MYO3B: variants seen among roughly 807,000 people sequenced by gnomAD.
The protein encoded by MYO3B is myosin IIIB, also known as myosin-IIIb.
MYO3B carries 156 observed loss-of-function variants against 174.6 expected under a neutral mutation model. The ratio of observed to expected loss-of-function variants is 0.89; its 90% confidence interval spans 0.78 to 1.02. MYO3B has a LOEUF of 1.02. Among genes scored for constraint, MYO3B ranks in the 50% least tolerant of loss-of-function variants. The pLI, the probability that MYO3B is intolerant of heterozygous loss-of-function variation, is 0.00. For missense variants in MYO3B, 1,632 were observed against 1,639.4 expected (o/e 1.00, Z 0.08); for synonymous variants, 563 against 569.1 (o/e 0.99, Z 0.15).
At chr2:170,267,510 G>A (rs926820559) in intron 7 of MYO3B, among the ~76,000 whole-genome samples, 1 of 152,154 alleles carries the variant, frequency 6.6e-6, no homozygotes, top group Non-Finnish European at 1.5e-5. Flanking sequence ...GAATTATGCT[G>A]TATATACAGT....
At chr2:170,325,807 T>C (rs2093862505) in intron 7 of MYO3B, among the ~76,000 whole-genome samples, 1 of 152,174 alleles carries the variant, frequency 6.6e-6, no homozygotes. Context: ...TAAGTCTATC[T>C]CTACCTCTGC....
chr2:170,578,828 G>A (rs1169266829), intron 32 of MYO3B, among the ~76,000 whole-genome samples: 1 of 152,204 alleles, frequency 6.6e-6, no homozygotes, highest in Non-Finnish European at 1.5e-5. Context: ...TTACGCAGAG[G>A]GCCTTGAAAC....
intron 7 of MYO3B, among the ~76,000 whole-genome samples, chr2:170,279,961 T>C (rs2093495177): frequency 6.6e-6 from 1 of 152,238 alleles, no homozygotes; most frequent in African/African-American, 2.4e-5. Context: ...GAATGATTTA[T>C]ATTCCTTTGG....
At chr2:170,649,851 T>C (rs1256443333) in intron 32 of MYO3B, 2 of 50,190 alleles carry the variant, frequency 4.0e-5, no homozygotes, top group Non-Finnish European at 6.7e-5. Context: ...CCATATGCTA[T>C]AGTGTAAAAA....
intron 29 of MYO3B, among the ~76,000 whole-genome samples, chr2:170,515,842 A>G (rs1688270141): frequency 6.6e-6 from 1 of 152,100 alleles, no homozygotes; most frequent in Admixed American, 6.5e-5. Flanking sequence ...GTTTCAAGGA[A>G]ATACTGAACT....
At chr2:170,388,859 G>A (rs2105759056) in intron 14 of MYO3B, among the ~76,000 whole-genome samples, 1 of 152,322 alleles carries the variant, frequency 6.6e-6, no homozygotes, top group Middle Eastern at 3.4e-3. Context: ...TCACGCAGTA[G>A]GGACTGGCAT....
intron 7 of MYO3B, among the ~76,000 whole-genome samples, chr2:170,274,925 C>A (rs1379031633): frequency 1.3e-5 from 2 of 152,052 alleles, no homozygotes; most frequent in African/African-American, 4.8e-5. Flanking sequence ...ACCATAGGAT[C>A]CAGATAATAG....
intron 16 of MYO3B, among the ~76,000 whole-genome samples, chr2:170,396,616 T>G (rs541549531): frequency 6.6e-6 from 1 of 152,214 alleles, no homozygotes; most frequent in Non-Finnish European, 1.5e-5. Context: ...AACCTAAAAG[T>G]TTTTCTCAGG....
chr2:170,252,598 C>T (rs2093265046), intron 7 of MYO3B, among the ~76,000 whole-genome samples: 1 of 152,066 alleles, frequency 6.6e-6, no homozygotes, highest in South Asian at 2.1e-4. Flanking sequence ...AGTCCCTGTC[C>T]TCTTGGAGCT....
intron 8 of MYO3B, among the ~76,000 whole-genome samples, chr2:170,360,669 G>A (rs945005846): frequency 2.6e-5 from 4 of 152,252 alleles, no homozygotes; most frequent in Non-Finnish European, 4.4e-5. Context: ...ATAGTATTAA[G>A]AGGTGGGTTC....
chr2:170,575,327 CTCTA>C (rs2106287899), intron 32 of MYO3B, among the ~76,000 whole-genome samples: 1 of 151,988 alleles, frequency 6.6e-6, no homozygotes, highest in East Asian at 1.9e-4. Flanking sequence ...TTTTTTTCCT[CTCTA>C]TCAGGGGTCA....
intron 32 of MYO3B, chr2:170,640,353 A>ATCTT (rs1408004323): frequency 6.6e-6 from 1 of 152,208 alleles, no homozygotes; most frequent in African/African-American, 2.4e-5. Flanking sequence ...ACCATGTTTT[A>ATCTT]TCTTTTCATA....
At chr2:170,434,478 C>T (rs1273066517) in intron 22 of MYO3B, among the ~76,000 whole-genome samples, 1 of 152,202 alleles carries the variant, frequency 6.6e-6, no homozygotes, top group Non-Finnish European at 1.5e-5. Context: ...GTGGCCCCTG[C>T]TGCTGTGTCA....
At chr2:170,354,217 C>G (rs935736091) in intron 8 of MYO3B, among the ~76,000 whole-genome samples, 5 of 152,168 alleles carry the variant, frequency 3.3e-5, no homozygotes, top group African/African-American at 9.7e-5. Flanking sequence ...TAGTGTTACT[C>G]CCTCTCTTCT....
At chr2:170,265,485 C>G (rs899938562) in intron 7 of MYO3B, among the ~76,000 whole-genome samples, 1 of 152,210 alleles carries the variant, frequency 6.6e-6, no homozygotes, top group Non-Finnish European at 1.5e-5. Context: ...ACCCAATTCC[C>G]ATGCCAAGAT....
chr2:170,358,987 G>C (rs1574846610), intron 8 of MYO3B, among the ~76,000 whole-genome samples: 1 of 152,094 alleles, frequency 6.6e-6, no homozygotes, highest in Admixed American at 6.6e-5. Flanking sequence ...ATAAATGAGC[G>C]AGAGTAGTCA....
intron 32 of MYO3B, among the ~76,000 whole-genome samples, chr2:170,641,847 T>G (rs1697976127): frequency 1.2e-5 from 1 of 80,464 alleles, no homozygotes; most frequent in Non-Finnish European, 2.2e-5. Flanking sequence ...ATTTATGACT[T>G]TATTGTTAAG....
chr2:170,427,922 G>A (rs2094677988), intron 22 of MYO3B, among the ~76,000 whole-genome samples: 2 of 152,120 alleles, frequency 1.3e-5, no homozygotes, highest in African/African-American at 4.8e-5. Flanking sequence ...TTTTCAAAAT[G>A]GCTGGTACTT....
chr2:170,217,307 C>G lies in MYO3B; in HGVS notation c.527-12C>G. ...TTGCTCACTTTTGAATTCTGATACTCTTTCCTTATAGGTGTTTCAGCTCAA... is the reference window on the plus strand; with the variant it reads ...TTGCTCACTTTTGAATTCTGATACTGTTTCCTTATAGGTGTTTCAGCTCAA... On this transcript the variant is annotated splice_polypyrimidine_tract_variant and intron_variant, in intron 5 of 34. Coordinates refer to ENST00000408978, the MANE Select transcript of MYO3B (RefSeq NM_138995.5). 1 of 1,612,922 alleles carries G rather than the reference C, an allele frequency of 6.2e-7. No individual in the cohort carries two copies. Among genetic ancestry groups the G allele is most frequent in the Non-Finnish European group, 8.5e-7 (1 of 1,178,880 alleles).
Sources: gnomAD v4.1 joint callset for allele counts (sites outside exome capture counted in the v4.1 genomes callset) on GRCh38, gnomAD v4.1.1 for gene constraint, MANE v1.5 for transcripts, NCBI Gene and HGNC (gene_info 2026-07-23, HGNC 2026-07-21) for gene names.